IQSEC1: variants seen among roughly 807,000 people sequenced by gnomAD.
IQSEC1 encodes IQ motif and Sec7 domain ArfGEF 1, also known as IQ motif and SEC7 domain-containing protein 1.
IQSEC1 carries 31 observed loss-of-function variants against 91.0 expected under a neutral mutation model. The observed-to-expected ratio is 0.34, with a 90% CI of 0.26 to 0.46. The LOEUF (loss-of-function observed/expected upper bound fraction) is 0.46, where lower values mean the gene tolerates loss of function less well. IQSEC1 is among the 20% of genes least tolerant of loss of function. IQSEC1 has a pLI of 1.00. For missense variants in IQSEC1, 1,388 were observed against 1,575.6 expected (o/e 0.88, Z 2.02); for synonymous variants, 699 against 662.6 (o/e 1.05, Z -0.84).
intron 3 of IQSEC1, among the ~76,000 whole-genome samples, chr3:12,934,463 G>A (rs1697982628): frequency 6.6e-6 from 1 of 152,184 alleles, no homozygotes; most frequent in Admixed American, 6.5e-5. Context: ...CTCAGGCACT[G>A]GCTTTGAGGT....
chr3:13,202,372 A>G (rs1476628615), intron 1 of IQSEC1, among the ~76,000 whole-genome samples: 3 of 152,228 alleles, frequency 2.0e-5, no homozygotes, highest in African/African-American at 7.2e-5. Context: ...TAGCAGCATT[A>G]CTCAAAACAG....
chr3:12,911,290 T>A (rs1460595937), intron 10 of IQSEC1, among the ~76,000 whole-genome samples: 2 of 152,264 alleles, frequency 1.3e-5, no homozygotes, highest in African/African-American at 4.8e-5. Context: ...TTCTGGGCCA[T>A]GTTTGCATAT....
At chr3:12,917,633 C>G (rs2125142900) in intron 6 of IQSEC1, among the ~76,000 whole-genome samples, 1 of 152,266 alleles carries the variant, frequency 6.6e-6, no homozygotes, top group African/African-American at 2.4e-5. Context: ...GTTTATTTAT[C>G]CCTTCATCTG....
chr3:13,192,301 GCA>G, intron 1 of IQSEC1, among the ~76,000 whole-genome samples: 1 of 149,094 alleles, frequency 6.7e-6, no homozygotes, highest in African/African-American at 2.5e-5. Flanking sequence ...TCGCACCACT[GCA>G]CTCCAGCCTG....
rs1706456010 is a variant in IQSEC1 at position 13,123,406 on chromosome 3, A to T, written c.302+40698T>A. Among the ~76,000 whole-genome samples the T allele has an allele frequency of 2.0e-5, 3 of 152,230 alleles. No individual in the cohort carries two copies. The South Asian group carries it at 6.2e-4, about 32-fold the overall frequency. ...GCGGAGTCAGGTCTTTCCGGTTCCCATGGGGACGGTGGCCTGTGGCTACAG... is the reference window on the plus strand; with the variant it reads ...GCGGAGTCAGGTCTTTCCGGTTCCCTTGGGGACGGTGGCCTGTGGCTACAG... On this transcript the variant is annotated intron_variant, in intron 2 of 15. Transcript: ENST00000648114.
rs9817647 is a variant in IQSEC1 at position 13,142,170 on chromosome 3, A to G, written c.302+21934T>C. Among the ~76,000 whole-genome samples the G allele has an allele frequency of 3.4e-3, 518 of 152,332 alleles. 2 individuals carry two copies. The highest frequency in any genetic ancestry group is 0.012 in the African/African-American group (491 of 41,564). On this transcript the variant is annotated intron_variant, in intron 2 of 15. Coordinates refer to the IQSEC1 transcript ENST00000648114. ...GTGCTGAAGCGCAGCTCTATGGCTG[A>G]AGAAACGCATTCTAAGACCATGCTA...
chr3:13,095,792 C>T (rs924942914), intron 2 of IQSEC1, among the ~76,000 whole-genome samples: 13 of 152,114 alleles, frequency 8.5e-5, no homozygotes, highest in Non-Finnish European at 1.5e-4. Context: ...AGGGAGCGGG[C>T]GGGGCAGCTT....
intron 1 of IQSEC1, among the ~76,000 whole-genome samples, chr3:12,989,166 T>C (rs1460569802): frequency 2.0e-5 from 3 of 152,238 alleles, no homozygotes; most frequent in Non-Finnish European, 4.4e-5. Flanking sequence ...GCTTATGTAT[T>C]GTGGGTCTCT....
chr3:13,159,191 A>C (rs954075036), intron 2 of IQSEC1, among the ~76,000 whole-genome samples: 1 of 152,122 alleles, frequency 6.6e-6, no homozygotes, highest in Non-Finnish European at 1.5e-5. Flanking sequence ...ACACTTTGGG[A>C]GGTTGAGGCA....
chr3:13,050,460 C>A (rs1346175688), intron 1 of IQSEC1, among the ~76,000 whole-genome samples: 1 of 152,140 alleles, frequency 6.6e-6, no homozygotes, highest in African/African-American at 2.4e-5. Context: ...TGAGATAGTG[C>A]CCATAAAGTA....
intron 1 of IQSEC1, among the ~76,000 whole-genome samples, chr3:13,246,220 C>T (rs928060555): frequency 1.3e-5 from 2 of 152,168 alleles, no homozygotes; most frequent in Non-Finnish European, 2.9e-5. Flanking sequence ...CATGGGTGAA[C>T]CTTCAGGGTG....
At chr3:13,275,552 C>T (rs1695661702) in intron 1 of IQSEC1, among the ~76,000 whole-genome samples, 1 of 152,352 alleles carries the variant, frequency 6.6e-6, no homozygotes, top group Admixed American at 6.5e-5. Flanking sequence ...GCTGCTTCCC[C>T]TGCCTTGACA....
chr3:13,178,528 A>G (rs1206336363), intron 1 of IQSEC1, among the ~76,000 whole-genome samples: 1 of 152,148 alleles, frequency 6.6e-6, no homozygotes, highest in African/African-American at 2.4e-5. Flanking sequence ...GTGCCCTTAC[A>G]AGGGCCCTCT....
At chr3:13,012,964 C>CTTTTTT (rs35541458) in intron 1 of IQSEC1, among the ~76,000 whole-genome samples, 2 of 97,544 alleles carry the variant, frequency 2.1e-5, no homozygotes, top group Non-Finnish European at 1.9e-5. Flanking sequence ...AAAGTCTGGG[C>CTTTTTT]TTTTTTTTTT....
At chr3:13,252,433 C>T (rs1212878013) in intron 1 of IQSEC1, among the ~76,000 whole-genome samples, 2 of 152,214 alleles carry the variant, frequency 1.3e-5, no homozygotes, top group Non-Finnish European at 2.9e-5. Context: ...GTTTGTGAAT[C>T]GGTTTATCTG....
In IQSEC1 at chr3:12,900,849, G is replaced by A. The variant is rs748400384; in HGVS notation, c.*134C>T. 4 of 1,524,360 alleles carry A rather than the reference G, an allele frequency of 2.6e-6. No homozygotes were observed. Among genetic ancestry groups the A allele is most frequent in the African/African-American group, 1.4e-5 (1 of 72,814 alleles). 94.4% of individuals were successfully genotyped at this position (1,524,360 alleles called of 1,614,324 possible). On this transcript the variant is annotated 3_prime_UTR_variant, in exon 14 of 14. Transcript: ENST00000613206. ...AGCCCTGTGGGCTCCTGGGGCTCCG[G>A]TTGGGCCGTGAGGGGCAGAGGGGAG...
At chr3:13,149,424 G>A (rs1027524041) in intron 2 of IQSEC1, among the ~76,000 whole-genome samples, 2 of 151,608 alleles carry the variant, frequency 1.3e-5, no homozygotes, top group Admixed American at 6.6e-5. Flanking sequence ...CGTGGGGGCC[G>A]GGGTGGGGGG....
chr3:13,090,942 G>A (rs949011499), intron 2 of IQSEC1, among the ~76,000 whole-genome samples: 9 of 152,104 alleles, frequency 5.9e-5, no homozygotes, highest in Non-Finnish European at 1.0e-4. Context: ...CCCCAGCCGC[G>A]GGGACAGCAC....
intron 1 of IQSEC1, among the ~76,000 whole-genome samples, chr3:12,973,321 G>A (rs1352488936): frequency 6.6e-6 from 1 of 152,128 alleles, no homozygotes; most frequent in Non-Finnish European, 1.5e-5. Flanking sequence ...CACGTCCTGG[G>A]TTGTTGCTTC....
Sources: gnomAD v4.1 joint callset for allele counts (sites outside exome capture counted in the v4.1 genomes callset) on GRCh38, gnomAD v4.1.1 for gene constraint, MANE v1.5 for transcripts, NCBI Gene and HGNC (gene_info 2026-07-23, HGNC 2026-07-21) for gene names.